Variants in NT5DC2 observed in about 807,000 individuals in gnomAD.
NT5DC2 encodes 5'-nucleotidase domain containing 2, also known as 5'-nucleotidase domain-containing protein 2.
A neutral mutation model predicts 70.0 loss-of-function variants in NT5DC2; 41 were observed. The ratio of observed to expected loss-of-function variants is 0.59; its 90% CI spans 0.46 to 0.76. The LOEUF is 0.76. Ranked by LOEUF, NT5DC2 falls within the 30% of genes least tolerant of loss-of-function variation. The probability of loss-of-function intolerance (pLI) is 0.00; values close to 1 mark genes in which losing one functional copy is unlikely to be tolerated. For synonymous variants in NT5DC2, 299 were observed against 310.4 expected (o/e 0.96, Z 0.39); for missense variants, 705 against 783.2 (o/e 0.90, Z 1.19).
chr3:52,534,821 A>G (rs2079407140), upstream of NT5DC2: 6 of 753,116 alleles, frequency 8.0e-6, no homozygotes, highest in Non-Finnish European at 1.3e-5. Flanking sequence ...TACATTCGAA[A>G]CTCCACTGAA....
Position 52,527,900 on chromosome 3 carries a change from A to G in NT5DC2, c.864T>C (p.Phe288=). ...GGGCCACCAGGCGGCTCAGGACAGC[A>G]AACGTCTCATCCCCTCTCAGGATGT... ...EKYILRGDET[F]AVLSRLVAHG... Residue 288 remains phenylalanine (F), a synonymous_variant, in exon 8 of 14, where the codon TTT becomes TTC. Transcript: ENST00000422318. The G allele has an allele frequency of 6.2e-7, 1 of 1,613,562 alleles. No homozygotes were observed. Among genetic ancestry groups the G allele is most frequent in the Non-Finnish European group, 8.5e-7 (1 of 1,180,018 alleles).
rs1357507316 is a variant in NT5DC2, at chr3:52,525,110, G to C, written c.1207-7C>G. ...CGTGCCGCAGCATGAGATCCTGGTG[G>C]GTGGGGCGGCAGAACTGGGCTCAGC... is the stretch of plus-strand genomic sequence containing the variant. On this transcript the variant is annotated splice_polypyrimidine_tract_variant and splice_region_variant and intron_variant, in intron 11 of 13. Transcript: ENST00000422318. The C allele has an allele frequency of 6.3e-7, 1 of 1,575,804 alleles. No individual in the cohort carries two copies. Among genetic ancestry groups the C allele is most frequent in the Non-Finnish European group, 8.6e-7 (1 of 1,161,208 alleles).
In NT5DC2 at chr3:52,528,281, A is replaced by T. The variant is rs549530537; in HGVS notation, c.673T>A (p.Phe225Ile). ...GPSIKQFMDIFSLPEMALLSC... is the reference protein window; with the variant it reads ...GPSIKQFMDIISLPEMALLSC... ...AGCAGAGCCATCTCCGGTAGCGAGA[A>T]GATGTCCATGAACTGCTTAATGGAG... Residue 225 changes from phenylalanine (F) to isoleucine (I), a missense_variant, in exon 6 of 14, where the codon TTC becomes ATC. Physicochemically the swap from Phe to Ile is conservative, Grantham distance 21. Coordinates refer to ENST00000422318, the MANE Select transcript of NT5DC2 (RefSeq NM_001134231.2). 6.2e-7 allele frequency: 1 copy of T among 1,613,448 alleles called. No individual in the cohort carries two copies. The highest frequency in any genetic ancestry group is 2.2e-5 in the East Asian group (1 of 44,884).
chr3:52,533,389 G>A (rs2079386381), intron 1 of NT5DC2, 117 bp downstream of exon 1: 2 of 1,143,064 alleles, frequency 1.7e-6, no homozygotes, highest in Non-Finnish European at 2.4e-6. Flanking sequence ...CTTGCGCTCC[G>A]GGGCCCTGGC....
At chr3:52,533,481 G>A in intron 1 of NT5DC2, 25 bp downstream of exon 1, 1 of 1,492,554 alleles carries the variant, frequency 6.7e-7, no homozygotes. Context: ...ACACCCCGGC[G>A]CACGTCCCGC....
At chr3:52,533,316 TCGGGGCGCCCC>T (rs1355958808) in intron 1 of NT5DC2, among the ~76,000 whole-genome samples, 179 bp downstream of exon 1, 3 of 151,114 alleles carry the variant, frequency 2.0e-5, no homozygotes, top group African/African-American at 7.3e-5. Context: ...CCCCCGGGCG[TCGGGGCGCCCC>T]AGAGGCCCCC....
chr3:52,525,267 G>T lies in NT5DC2; in HGVS notation c.1148C>A (p.Thr383Lys), dbSNP rs755305959. Residue 383 changes from threonine to lysine, a missense_variant, in exon 11 of 14, where the codon ACG becomes AAG. By Grantham distance (78) the Thr-to-Lys change is moderately conservative (BLOSUM62 -1). Coordinates refer to ENST00000422318, the MANE Select transcript of NT5DC2 (RefSeq NM_001134231.2). ...QGNLFDFLRL[T>K]EWRGPRVLYF... ...GAGCACGCGGGGGCCACGCCATTCCGTCAAGCGTAAGAAGTCAAACAGGTT... is the reference window on the plus strand; with the variant it reads ...GAGCACGCGGGGGCCACGCCATTCCTTCAAGCGTAAGAAGTCAAACAGGTT... The T allele has an allele frequency of 1.6e-5, 26 of 1,612,708 alleles. No individual in the cohort carries two copies. The highest frequency in any genetic ancestry group is 2.0e-5 in the Non-Finnish European group (24 of 1,179,930).
At chr3:52,534,210 C>T, upstream of NT5DC2, 2 of 415,774 alleles carry the variant, frequency 4.8e-6, no homozygotes, top group Non-Finnish European at 8.9e-6. Flanking sequence ...CCCGCCCTAC[C>T]CTGCGCCTCT....
chr3:52,525,810 T>A (rs1434223638), intron 10 of NT5DC2: 1 of 156,750 alleles, frequency 6.4e-6, no homozygotes, highest in South Asian at 1.9e-4. Context: ...ACCAGACTAG[T>A]GCTCAGGCAG....
intron 5 of NT5DC2, 30 bp from the exon 6 acceptor site, chr3:52,528,341 C>G: frequency 6.2e-7 from 1 of 1,613,184 alleles, no homozygotes. Context: ...CTCAGACACC[C>G]TTTGGGACCC....
upstream of NT5DC2, chr3:52,534,451 T>C (rs756792096): frequency 4.4e-6 from 7 of 1,606,166 alleles, no homozygotes; most frequent in Non-Finnish European, 5.1e-6. Flanking sequence ...GCTAACCAGG[T>C]GACTGGGCCG....
chr3:52,526,765 TC>T (rs1237997048), intron 10 of NT5DC2, among the ~76,000 whole-genome samples: 1 of 152,228 alleles, frequency 6.6e-6, no homozygotes, highest in Non-Finnish European at 1.5e-5. Flanking sequence ...GCTCAAGTGA[TC>T]CTCCCACCTC....
In NT5DC2 at chr3:52,528,077, G is replaced by A. The variant is rs1232454579; in HGVS notation, c.772-4C>T. ...CATGCACGTCTCGGATGGCGTCCTG[G>A]GGGCAGTGGAGGACAATGAGGGTAC... On this transcript the variant is annotated splice_polypyrimidine_tract_variant and splice_region_variant and intron_variant, in intron 6 of 13. Coordinates refer to ENST00000422318, the MANE Select transcript of NT5DC2 (RefSeq NM_001134231.2). The A allele has an allele frequency of 6.2e-7, 1 of 1,612,542 alleles. No individual in the cohort carries two copies. The highest frequency in any genetic ancestry group is 1.3e-5 in the African/African-American group (1 of 74,928).
At chr3:52,527,574 C>G in intron 9 of NT5DC2, 43 bp downstream of exon 9, 1 of 1,597,752 alleles carries the variant, frequency 6.3e-7, no homozygotes, top group South Asian at 1.1e-5. Flanking sequence ...GGTGGGGCCT[C>G]TATTCCCCTT....
intron 1 of NT5DC2, chr3:52,532,525 G>A (rs753824833): frequency 1.6e-5 from 16 of 984,050 alleles, no homozygotes; most frequent in Non-Finnish European, 1.9e-5. Context: ...GAAAACCCCT[G>A]TCTAGCCAGT....
chr3:52,527,412 G>C lies in NT5DC2; in HGVS notation c.1038-37C>G, dbSNP rs770831568. 5 of 1,608,070 alleles carry C rather than the reference G, an allele frequency of 3.1e-6. No homozygotes were observed. In the Admixed American group the frequency reaches 8.3e-5, roughly 27 times the overall value. On this transcript the variant is annotated intron_variant, in intron 9 of 13. Transcript: ENST00000422318. ...GTAAAGGGCATGACTTCCAGTCTGT[G>C]GCTGGGCCACGGGCCGGGCAACCCC...
Position 52,525,238 on chromosome 3 carries a change from A to G in NT5DC2, c.1177T>C (p.Phe393Leu). ...TEWRGPRVLY[F>L]GDHLYSDLAD... Reference sequence around the variant, plus strand: ...AGATCACTATAGAGGTGGTCCCCGAAGTAGAGCACGCGGGGGCCACGCCAT... The same window carrying G: ...AGATCACTATAGAGGTGGTCCCCGAGGTAGAGCACGCGGGGGCCACGCCAT... The change falls in exon 11 of 14, where the codon TTC becomes CTC. Residue 393 changes from phenylalanine (F) to leucine (L), a missense_variant. Coordinates refer to ENST00000422318, the MANE Select transcript of NT5DC2 (RefSeq NM_001134231.2). 1 of 1,612,738 alleles carries G rather than the reference A, an allele frequency of 6.2e-7. No individual in the cohort carries two copies. The highest frequency in any genetic ancestry group is 8.5e-7 in the Non-Finnish European group (1 of 1,179,946).
At position 52,527,904 on chromosome 3, in the gene NT5DC2, G is replaced by T; in HGVS notation, c.860C>A (p.Thr287Lys). The T allele has an allele frequency of 6.2e-7, 1 of 1,613,556 alleles. No individual in the cohort carries two copies. The highest frequency in any genetic ancestry group is 1.1e-5 in the South Asian group (1 of 91,084). Reference protein sequence around the residue: ...MEKYILRGDETFAVLSRLVAH... With the variant: ...MEKYILRGDEKFAVLSRLVAH... ...CACCAGGCGGCTCAGGACAGCAAAC[G>T]TCTCATCCCCTCTCAGGATGTACTT... The change falls in exon 8 of 14, where the codon ACG becomes AAG. Residue 287 changes from threonine (T) to lysine (K), a missense_variant. Transcript: ENST00000422318.
At chr3:52,524,920 G>A in intron 12 of NT5DC2, 39 bp from the exon 13 acceptor site, 1 of 1,611,918 alleles carries the variant, frequency 6.2e-7, no homozygotes, top group South Asian at 1.1e-5. Flanking sequence ...GTGCACCCAG[G>A]AGGCTACCGC....
Sources: gnomAD v4.1 joint callset for allele counts (sites outside exome capture counted in the v4.1 genomes callset) on GRCh38, gnomAD v4.1.1 for gene constraint, MANE v1.5 for transcripts, NCBI Gene and HGNC (gene_info 2026-07-23, HGNC 2026-07-21) for gene names.